The following HLCS variants were observed in gnomAD, a reference collection of about 807,000 sequenced individuals.
HLCS encodes holocarboxylase synthetase.
A neutral mutation model predicts 75.0 loss-of-function variants in HLCS; 53 were observed. The ratio of observed to expected loss-of-function variants is 0.71; its 90% CI spans 0.57 to 0.89. HLCS has a LOEUF of 0.89. Among genes scored for constraint, HLCS ranks in the 40% least tolerant of loss-of-function variants. The probability of loss-of-function intolerance (pLI) is 0.00; values close to 1 mark genes in which losing one functional copy is unlikely to be tolerated. For synonymous variants in HLCS, 431 were observed against 428.6 expected (o/e 1.01, Z -0.07); for missense variants, 966 against 1,074.0 (o/e 0.90, Z 1.41).
intron 2 of HLCS, among the ~76,000 whole-genome samples, chr21:36,950,849 G>A (rs1474829357): frequency 6.6e-6 from 1 of 152,126 alleles, no homozygotes; most frequent in East Asian, 1.9e-4. Flanking sequence ...CAGGTCTCTG[G>A]TAAGCCACAG....
intron 6 of HLCS, among the ~76,000 whole-genome samples, chr21:36,867,140 C>T (rs1462286924): frequency 3.3e-5 from 5 of 152,254 alleles, no homozygotes; most frequent in South Asian, 4.1e-4. Context: ...ACCCAGTTCC[C>T]ATAAAAGAGA....
intron 6 of HLCS, among the ~76,000 whole-genome samples, chr21:36,786,968 G>C (rs1417452921): frequency 6.6e-6 from 1 of 152,174 alleles, no homozygotes; most frequent in African/African-American, 2.4e-5. Context: ...GGTGGTCGGG[G>C]CCCAGCACAC....
intron 5 of HLCS, among the ~76,000 whole-genome samples, chr21:36,902,948 T>C (rs936969104): frequency 1.3e-5 from 2 of 152,088 alleles, no homozygotes; most frequent in Non-Finnish European, 2.9e-5. Context: ...CGACCACAAA[T>C]GAGACACTGC....
intron 5 of HLCS, among the ~76,000 whole-genome samples, chr21:36,919,639 GT>G (rs1235768571): frequency 3.3e-5 from 5 of 152,194 alleles, no homozygotes; most frequent in African/African-American, 1.2e-4. Flanking sequence ...TAAAAGACAA[GT>G]TAGCACACAA....
chr21:36,917,185 G>A (rs2065969318), intron 5 of HLCS, among the ~76,000 whole-genome samples: 1 of 152,166 alleles, frequency 6.6e-6, no homozygotes, highest in Admixed American at 6.5e-5. Flanking sequence ...TACATGATCT[G>A]TAGATTTTTG....
chr21:36,850,942 G>C (rs1310177106), intron 6 of HLCS, among the ~76,000 whole-genome samples: 2 of 152,144 alleles, frequency 1.3e-5, no homozygotes, highest in Non-Finnish European at 2.9e-5. Context: ...CTGCTGGAGG[G>C]GTGAGGCGAG....
chr21:36,880,165 T>G (rs2064148838), intron 6 of HLCS, among the ~76,000 whole-genome samples: 1 of 152,190 alleles, frequency 6.6e-6, no homozygotes, highest in Admixed American at 6.5e-5. Context: ...TCATGACAAT[T>G]TTCCAGGTAT....
intron 6 of HLCS, among the ~76,000 whole-genome samples, chr21:36,796,559 C>T (rs1009271644): frequency 4.6e-5 from 7 of 152,188 alleles, no homozygotes; most frequent in African/African-American, 1.4e-4. Context: ...AACCAGGACT[C>T]GGATAATCCA....
intron 6 of HLCS, among the ~76,000 whole-genome samples, chr21:36,865,927 A>G (rs2063538632): frequency 6.6e-6 from 1 of 152,204 alleles, no homozygotes; most frequent in Non-Finnish European, 1.5e-5. Context: ...CTCAAGTAAA[A>G]TATGCCTTTA....
chr21:36,874,474 AG>A (rs1443025939), intron 6 of HLCS, among the ~76,000 whole-genome samples: 2 of 152,088 alleles, frequency 1.3e-5, no homozygotes, highest in African/African-American at 2.4e-5. Context: ...ATCTATTTCC[AG>A]GGTATTCTGC....
intron 6 of HLCS, among the ~76,000 whole-genome samples, chr21:36,799,304 T>C (rs1159014687): frequency 6.6e-6 from 1 of 152,220 alleles, no homozygotes; most frequent in East Asian, 1.9e-4. Context: ...TTGGCACTTT[T>C]ATCAAACATC....
In HLCS at chr21:36,869,097, A is replaced by AATTTATTTATTTATTT. The variant is rs71198837; in HGVS notation, c.1892+27747_1892+27762dup. Among the ~76,000 whole-genome samples, 13 of 109,156 alleles carry AATTTATTTATTTATTT rather than the reference A, an allele frequency of 1.2e-4. No individual in the cohort carries two copies. The South Asian group carries it at 3.9e-3, about 33-fold the overall frequency. The allele number at this position is 109,156 out of a possible 152,430, so 71.6% of individuals were successfully genotyped here. On this transcript the variant is annotated intron_variant, in intron 6 of 10. Coordinates refer to ENST00000674895, the MANE Select transcript of HLCS (RefSeq NM_001352514.2). The stretch of plus-strand genomic sequence containing the variant: ...TCCATGCATTAAGCAAAAGATGTTT[A>AATTTATTTATTTATTT]ATTTATTTATTTATTTATTTATTTA...
chr21:36,988,446 A>G (rs552296412), intron 1 of HLCS, among the ~76,000 whole-genome samples: 2 of 152,178 alleles, frequency 1.3e-5, no homozygotes, highest in Non-Finnish European at 2.9e-5. Context: ...TATTCACCCA[A>G]TTGCCTATGT....
chr21:36,828,718 AC>A (rs530275582), intron 6 of HLCS, among the ~76,000 whole-genome samples: 122 of 152,382 alleles, frequency 8.0e-4, no homozygotes, highest in African/African-American at 8.9e-4. Context: ...CAATAAAAAA[AC>A]AATCTGTAAA....
intron 6 of HLCS, among the ~76,000 whole-genome samples, chr21:36,892,965 T>TA (rs1473730501): frequency 6.6e-6 from 1 of 152,156 alleles, no homozygotes; most frequent in Non-Finnish European, 1.5e-5. Flanking sequence ...ATCAAAGTGA[T>TA]AGTCTCATCA....
intron 6 of HLCS, among the ~76,000 whole-genome samples, chr21:36,788,927 G>A (rs1222121977): frequency 6.6e-6 from 1 of 152,128 alleles, no homozygotes; most frequent in Admixed American, 6.5e-5. Flanking sequence ...GTTCTAGTGG[G>A]TAAGAGAAAG....
intron 9 of HLCS, among the ~76,000 whole-genome samples, chr21:36,758,163 G>A (rs1165425784): frequency 6.6e-6 from 1 of 152,026 alleles, no homozygotes; most frequent in African/African-American, 2.4e-5. Flanking sequence ...CTGGAGTGCA[G>A]TGGAGCCCTC....
At chr21:36,805,381 G>A (rs932271152) in intron 6 of HLCS, among the ~76,000 whole-genome samples, 14 of 152,172 alleles carry the variant, frequency 9.2e-5, no homozygotes, top group African/African-American at 2.9e-4. Context: ...CTCCCAGGCC[G>A]CACGGAGTCC....
chr21:36,772,042 C>T (rs1242101921), intron 6 of HLCS, among the ~76,000 whole-genome samples: 2 of 151,504 alleles, frequency 1.3e-5, no homozygotes, highest in African/African-American at 2.4e-5. Flanking sequence ...AAAATAATAG[C>T]TGCAGTTACC....
Sources: allele counts gnomAD v4.1 joint callset (sites outside exome capture counted in the v4.1 genomes callset), GRCh38; gene constraint gnomAD v4.1.1; transcripts MANE v1.5; gene names NCBI Gene and HGNC (gene_info 2026-07-23, HGNC 2026-07-21).